ADRA1A: variants seen among roughly 807,000 people sequenced by gnomAD.
ADRA1A encodes adrenoceptor alpha 1A.
ADRA1A carries 31 observed loss-of-function variants against 29.6 expected under a neutral mutation model. The ratio of observed to expected loss-of-function variants is 1.05; its 90% CI spans 0.79 to 1.41. The LOEUF (loss-of-function observed/expected upper bound fraction) is 1.41. Among genes scored for constraint, ADRA1A ranks in the 40% most tolerant of loss-of-function variants. The pLI is 0.00. For synonymous variants in ADRA1A, 311 were observed against 254.3 expected (o/e 1.22, Z -2.12); for missense variants, 619 against 601.1 (o/e 1.03, Z -0.31).
In ADRA1A at chr8:26,769,448, T is replaced by C; in HGVS notation, c.*701A>G. The C allele has an allele frequency of 4.1e-6, 4 of 985,432 alleles. No individual in the cohort carries two copies. In the South Asian group the frequency reaches 1.4e-4, roughly 35 times the overall value. The allele number at this position is 985,432 out of a possible 1,614,324, so 61.0% of individuals were successfully genotyped here. A position where few individuals can be genotyped will look rare whatever the true frequency, so the allele number is the denominator to read the frequency against. On this transcript the variant is annotated 3_prime_UTR_variant, in exon 3 of 3. Transcript: ENST00000380573. ...GAAAAGCCATACCACCCTGGTTGGT[T>C]CTTTCAACCCTCTCCTGACCCAAGG...
At chr8:26,789,111 C>A (rs1237197368) in intron 2 of ADRA1A, among the ~76,000 whole-genome samples, 3 of 151,888 alleles carry the variant, frequency 2.0e-5, no homozygotes, top group African/African-American at 7.2e-5. Context: ...TTTCCCCCCA[C>A]CCCTGACAGG....
At chr8:26,777,942 C>T (rs1018276998) in intron 2 of ADRA1A, among the ~76,000 whole-genome samples, 1 of 152,220 alleles carries the variant, frequency 6.6e-6, no homozygotes. Flanking sequence ...AACCATTGCT[C>T]CTTCCAATCC....
rs1027279761 is a variant in ADRA1A at position 26,774,653 on chromosome 8, A to G, written c.884-3987T>C. Among the ~76,000 whole-genome samples, 6 of 150,516 alleles carry G rather than the reference A, an allele frequency of 4.0e-5. No individual in the cohort carries two copies. In the South Asian group the frequency reaches 1.3e-3, roughly 32 times the overall value. On this transcript the variant is annotated intron_variant, in intron 2 of 2. Coordinates refer to ENST00000380573, the MANE Select transcript of ADRA1A (RefSeq NM_000680.4). ...ACTGCAGTCCAGCATGGGCAACGGG[A>G]GTGAACCCCTGTCTAAAAAAAAAAA...
chr8:26,859,771 C>CTT (rs368780944), intron 2 of ADRA1A, among the ~76,000 whole-genome samples: 5 of 137,566 alleles, frequency 3.6e-5, no homozygotes, highest in East Asian at 2.1e-4. Context: ...TATCATTTTT[C>CTT]TTTTTTTTTT....
At chr8:26,779,203 A>C in intron 2 of ADRA1A, 1 of 659,068 alleles carries the variant, frequency 1.5e-6, no homozygotes, top group Non-Finnish European at 2.7e-6. Flanking sequence ...AGATGGGAGC[A>C]GGAACCCAAT....
intron 2 of ADRA1A, among the ~76,000 whole-genome samples, chr8:26,811,585 A>C (rs1227100322): frequency 6.6e-6 from 1 of 152,254 alleles, no homozygotes; most frequent in African/African-American, 2.4e-5. Flanking sequence ...CCCACTCAGA[A>C]AACCTTTCTC....
rs923593470 is a variant in ADRA1A at position 26,821,919 on chromosome 8, G to A, written c.883+42168C>T. ...TCTGGTACTTCATCTAGAGAATGTT[G>A]CACATATCAATAGCTTGCTATTTTT... On this transcript the variant is annotated intron_variant, in intron 2 of 2. Transcript: ENST00000380573. This position sits in a 1 kb window ranked among gnomAD's most constrained non-coding sequence, Gnocchi z 5.6. Among the ~76,000 whole-genome samples the A allele has an allele frequency of 3.3e-5, 5 of 152,196 alleles. No homozygotes were observed. Among genetic ancestry groups the A allele is most frequent in the African/African-American group, 1.2e-4 (5 of 41,442 alleles).
At chr8:26,839,380 G>T (rs1443856639) in intron 2 of ADRA1A, among the ~76,000 whole-genome samples, 1 of 151,962 alleles carries the variant, frequency 6.6e-6, no homozygotes, top group East Asian at 1.9e-4. Flanking sequence ...GGATGGTCTC[G>T]ATCTCCTGAC....
chr8:26,785,969 C>T (rs531231820), intron 2 of ADRA1A, among the ~76,000 whole-genome samples: 1 of 152,182 alleles, frequency 6.6e-6, no homozygotes, highest in Non-Finnish European at 1.5e-5. Flanking sequence ...ACACCTGTCA[C>T]CTGTAAGTGC....
At chr8:26,813,867 T>A (rs1809582945) in intron 2 of ADRA1A, among the ~76,000 whole-genome samples, 1 of 152,066 alleles carries the variant, frequency 6.6e-6, no homozygotes, top group African/African-American at 2.4e-5. Context: ...CTGGACACAG[T>A]GAAGGATGAT....
chr8:26,856,129 G>C (rs1196455565), intron 2 of ADRA1A, among the ~76,000 whole-genome samples: 1 of 152,186 alleles, frequency 6.6e-6, no homozygotes, highest in Non-Finnish European at 1.5e-5. Flanking sequence ...CTTGTGGAAA[G>C]AGCCAAAATT....
intron 2 of ADRA1A, among the ~76,000 whole-genome samples, chr8:26,803,239 G>A (rs565985998): frequency 6.6e-6 from 1 of 152,256 alleles, no homozygotes; most frequent in South Asian, 2.1e-4. Context: ...CAATTGGAAT[G>A]TTTGTAAAAC....
At chr8:26,750,258 G>A (rs987768491) in intron 2 of ADRA1A, among the ~76,000 whole-genome samples, 1 of 152,078 alleles carries the variant, frequency 6.6e-6, no homozygotes, top group African/African-American at 2.4e-5. Flanking sequence ...CTGGAGTGCA[G>A]TGGCATGATT....
At position 26,848,386 on chromosome 8, in the gene ADRA1A, G is replaced by A. The variant is rs73678153; in HGVS notation, c.883+15701C>T. 5.8e-3 allele frequency among the ~76,000 whole-genome samples: 877 copies of A among 152,298 alleles called. 5 individuals are homozygous for A. The highest frequency in any genetic ancestry group is 0.02 in the African/African-American group (837 of 41,558). ...GGTGATTAGGACTAGATGATGTCACGAGGGTGAACCCTCATAATGAGATTC... is the reference window on the plus strand; with the variant it reads ...GGTGATTAGGACTAGATGATGTCACAAGGGTGAACCCTCATAATGAGATTC... On this transcript the variant is annotated intron_variant, in intron 2 of 2. Coordinates refer to ENST00000380573, the MANE Select transcript of ADRA1A (RefSeq NM_000680.4). The surrounding 1 kb of genome is among the most constrained non-coding windows in gnomAD (Gnocchi z 4.3).
intron 2 of ADRA1A, among the ~76,000 whole-genome samples, chr8:26,818,955 A>G (rs1020180314): frequency 6.6e-6 from 1 of 152,182 alleles, no homozygotes; most frequent in Non-Finnish European, 1.5e-5. Flanking sequence ...ACTTTCCAAA[A>G]CTTAGAAAGG....
chr8:26,765,976 G>T (rs532458996), downstream of ADRA1A: 23 of 1,083,630 alleles, frequency 2.1e-5, no homozygotes, highest in African/African-American at 6.2e-4. Flanking sequence ...AACAAGCGAT[G>T]TCACATAATA....
In ADRA1A at chr8:26,770,403, C is replaced by G. The variant is rs1806052545; in HGVS notation, c.1147G>C (p.Glu383Gln). ...GTCTTGGAGATCCTGTAGAAGGTCT[C>G]TCTTGATCCCACGGGGATGCGCACC... ...DMVRIPVGSR[E>Q]TFYRISKTDG... is the part of the protein sequence containing the mutation. The change falls in exon 3 of 3, where the codon GAG becomes CAG. Residue 383 changes from glutamate to glutamine, a missense_variant. Glu to Gln is a conservative substitution (Grantham distance 29, BLOSUM62 2). Coordinates refer to ENST00000380573, the MANE Select transcript of ADRA1A (RefSeq NM_000680.4). 1 of 1,614,252 alleles carries G rather than the reference C, an allele frequency of 6.2e-7. No homozygotes were observed. Among genetic ancestry groups the G allele is most frequent in the Non-Finnish European group, 8.5e-7 (1 of 1,180,042 alleles).
intron 2 of ADRA1A, among the ~76,000 whole-genome samples, chr8:26,855,216 C>CATGTGTGT (rs112862962): frequency 0.29 from 24,726 of 85,502 alleles, 3,635 homozygotes; most frequent in African/African-American, 0.51. Flanking sequence ...TGTGTGCATG[C>CATGTGTGT]ATGTGTGTGT....
chr8:26,836,118 T>C (rs111888008), intron 2 of ADRA1A: 6,288 of 199,632 alleles, frequency 0.031, 156 homozygotes, highest in African/African-American at 0.076. Context: ...TGTTGCCTTC[T>C]CACAGAGGTG....
Sources: gnomAD v4.1 joint callset for allele counts (sites outside exome capture counted in the v4.1 genomes callset) on GRCh38, gnomAD v4.1.1 for gene constraint, Gnocchi (gnomAD v3.1) non-coding constraint, MANE v1.5 for transcripts, NCBI Gene and HGNC (gene_info 2026-07-23, HGNC 2026-07-21) for gene names.